CDC123: variants seen among roughly 807,000 people sequenced by gnomAD.
CDC123 encodes the protein cell division cycle 123, also known as translation initiation factor eIF2 assembly protein.
CDC123 carries 37 observed loss-of-function variants against 54.4 expected under a neutral mutation model. The observed-to-expected ratio is 0.68, with a 90% CI of 0.52 to 0.89. The LOEUF (loss-of-function observed/expected upper bound fraction) is 0.89, where lower values mean the gene tolerates loss of function less well. Ranked by LOEUF, CDC123 falls within the 40% of genes least tolerant of loss-of-function variation. The pLI, the probability that CDC123 is intolerant of heterozygous loss-of-function variation, is 0.00. For synonymous variants in CDC123, 144 were observed against 136.8 expected (o/e 1.05, Z -0.37); for missense variants, 361 against 412.1 (o/e 0.88, Z 1.07).
At chr10:12,203,715 C>G (rs1044314897) in intron 2 of CDC123, among the ~76,000 whole-genome samples, 4 of 152,096 alleles carry the variant, frequency 2.6e-5, no homozygotes, top group Non-Finnish European at 5.9e-5. Flanking sequence ...GCAGGGCATC[C>G]TACCGTAGGA....
intron 6 of CDC123, among the ~76,000 whole-genome samples, chr10:12,226,241 C>T (rs893460841): frequency 7.2e-5 from 11 of 152,232 alleles, no homozygotes; most frequent in South Asian, 2.1e-4. Context: ...AAACCGCCAT[C>T]GTCATCATGG....
At chr10:12,198,928 G>A (rs1835400818) in intron 2 of CDC123, 152 bp downstream of exon 2, 2 of 557,478 alleles carry the variant, frequency 3.6e-6, no homozygotes, top group African/African-American at 2.0e-5. Context: ...CCTTCTCAAT[G>A]TTCACTTAAT....
chr10:12,236,428 G>T (rs910927220), intron 8 of CDC123, among the ~76,000 whole-genome samples: 1 of 151,826 alleles, frequency 6.6e-6, no homozygotes, highest in African/African-American at 2.4e-5. Flanking sequence ...CTGAGACCCC[G>T]TCTCTACAAA....
chr10:12,204,092 CAAAA>C (rs748765566), intron 2 of CDC123, among the ~76,000 whole-genome samples: 3 of 131,154 alleles, frequency 2.3e-5, no homozygotes, highest in African/African-American at 5.8e-5. Context: ...GACCTTGTCT[CAAAA>C]AAAAAAAAAA....
intron 2 of CDC123, among the ~76,000 whole-genome samples, chr10:12,205,861 C>T (rs61026049): frequency 0.11 from 16,756 of 151,724 alleles, 1,085 homozygotes; most frequent in South Asian, 0.16. Context: ...TGCAGGGGCA[C>T]GATCTTGGCC....
At chr10:12,206,958 CA>C (rs35906839) in intron 2 of CDC123, among the ~76,000 whole-genome samples, 38,098 of 100,614 alleles carry the variant, frequency 0.38, 5,153 homozygotes, top group East Asian at 0.56. Context: ...GACTCCATCT[CA>C]AAAAAAAAAA....
At chr10:12,196,462 T>G (rs1835348087) in intron 1 of CDC123, 143 bp downstream of exon 1, 1 of 1,139,834 alleles carries the variant, frequency 8.8e-7, no homozygotes, top group Non-Finnish European at 1.3e-6. Flanking sequence ...CATCAGCAAT[T>G]GTCTGCGTCC....
At chr10:12,200,120 A>ATGTTTTTTTTTTTTTTT (rs1835420895) in intron 2 of CDC123, among the ~76,000 whole-genome samples, 1 of 59,356 alleles carries the variant, frequency 1.7e-5, no homozygotes, top group Non-Finnish European at 3.0e-5. Context: ...CGCACTCGGC[A>ATGTTTTTTTTTTTTTTT]TTTTTTTTTT....
intron 1 of CDC123, among the ~76,000 whole-genome samples, chr10:12,196,994 T>C (rs945660601): frequency 6.6e-6 from 1 of 152,220 alleles, no homozygotes; most frequent in Admixed American, 6.5e-5. Flanking sequence ...TGAGCCAACA[T>C]TTCAGTAATT....
At chr10:12,224,934 G>T (rs780408872) in intron 6 of CDC123, among the ~76,000 whole-genome samples, 6 of 152,088 alleles carry the variant, frequency 3.9e-5, no homozygotes, top group Non-Finnish European at 8.8e-5. Context: ...CTTGGGGTCC[G>T]AGCTGCTCCA....
intron 10 of CDC123, among the ~76,000 whole-genome samples, chr10:12,239,632 C>T (rs564907949): frequency 4.4e-4 from 67 of 150,818 alleles, no homozygotes; most frequent in Non-Finnish European, 9.3e-4. Context: ...TCACTTGAAC[C>T]AGGAGGTGGA....
chr10:12,226,860 T>C (rs960407672), intron 6 of CDC123, among the ~76,000 whole-genome samples: 45 of 151,924 alleles, frequency 3.0e-4, no homozygotes, highest in Non-Finnish European at 5.0e-4. Flanking sequence ...GGGTGGCGGC[T>C]GGGCAGAGGC....
intron 10 of CDC123, among the ~76,000 whole-genome samples, chr10:12,240,388 A>G (rs1466243523): frequency 1.3e-5 from 2 of 152,218 alleles, no homozygotes; most frequent in African/African-American, 4.8e-5. Flanking sequence ...GCCTCATTGT[A>G]AGTGAGACAG....
intron 7 of CDC123, among the ~76,000 whole-genome samples, chr10:12,232,457 T>C: frequency 6.6e-6 from 1 of 152,190 alleles, no homozygotes. Context: ...CATTGAGTAA[T>C]TTTTAATGTG....
chr10:12,228,803 C>G (rs1422160596), intron 6 of CDC123, among the ~76,000 whole-genome samples: 1 of 152,206 alleles, frequency 6.6e-6, no homozygotes, highest in African/African-American at 2.4e-5. Flanking sequence ...CTCCCAACCT[C>G]AGGTGATCTG....
At chr10:12,246,842 C>G (rs1836146670) in intron 11 of CDC123, 2 of 152,594 alleles carry the variant, frequency 1.3e-5, no homozygotes, top group Non-Finnish European at 2.9e-5. Context: ...TCTCCCCCCT[C>G]CATACACTTG....
chr10:12,221,397 G>C (rs1324639974), intron 6 of CDC123, among the ~76,000 whole-genome samples: 1 of 152,122 alleles, frequency 6.6e-6, no homozygotes, highest in Non-Finnish European at 1.5e-5. Context: ...GTCATATGAA[G>C]ACATGACCAT....
Position 12,210,329 on chromosome 10 carries a change from G to A in CDC123, c.237+7G>A. ...GAACACAGCCACGCTTACGGTAAGAGCACAGCAGACTCAGCGTGGGGACAG... is the reference window on the plus strand; with the variant it reads ...GAACACAGCCACGCTTACGGTAAGAACACAGCAGACTCAGCGTGGGGACAG... On this transcript the variant is annotated splice_region_variant and intron_variant, in intron 4 of 12. Transcript: ENST00000281141. 5 of 1,614,088 alleles carry A rather than the reference G, an allele frequency of 3.1e-6. No individual in the cohort carries two copies. Among genetic ancestry groups the A allele is most frequent in the Non-Finnish European group, 4.2e-6 (5 of 1,179,998 alleles).
At position 12,235,106 on chromosome 10, in the gene CDC123, A is replaced by T; in HGVS notation, c.548A>T (p.Lys183Met). The T allele has an allele frequency of 6.2e-7, 1 of 1,613,622 alleles. No homozygotes were observed. Among genetic ancestry groups the T allele is most frequent in the Admixed American group, 1.7e-5 (1 of 60,006 alleles). ...GGGGCTGAGTTTCGATGTTTTGTCA[A>T]GGAAAACAAGCTTATTGGTGAGTTT... ...IPGAEFRCFV[K>M]ENKLIGISQR... Residue 183 changes from lysine (K) to methionine (M), a missense_variant, in exon 8 of 13, where the codon AAG (lysine) becomes ATG (methionine). Coordinates refer to ENST00000281141, the MANE Select transcript of CDC123 (RefSeq NM_006023.3).
Sources: allele counts gnomAD v4.1 joint callset (sites outside exome capture counted in the v4.1 genomes callset), GRCh38; gene constraint gnomAD v4.1.1; transcripts MANE v1.5; gene names NCBI Gene and HGNC (gene_info 2026-07-23, HGNC 2026-07-21).